The following HIVEP3 variants were observed in gnomAD, a reference collection of about 807,000 sequenced individuals.
The protein encoded by HIVEP3 is HIVEP zinc finger 3.
Under a neutral mutation model 152.8 loss-of-function variants are expected in HIVEP3, and 49 were observed. That is an observed-to-expected ratio of 0.32 (90% CI 0.26 to 0.41). The LOEUF (loss-of-function observed/expected upper bound fraction) is 0.41, where lower values mean the gene tolerates loss of function less well. HIVEP3 is among the 10% of genes least tolerant of loss of function. HIVEP3 has a pLI of 1.00. For synonymous variants in HIVEP3, 1,269 were observed against 1,289.0 expected (o/e 0.98, Z 0.33); for missense variants, 2,790 against 3,103.3 (o/e 0.90, Z 2.40).
intron 2 of HIVEP3, among the ~76,000 whole-genome samples, chr1:41,651,067 T>C (rs981610027): frequency 6.6e-6 from 1 of 152,210 alleles, no homozygotes; most frequent in African/African-American, 2.4e-5. Context: ...GCTCTATCTG[T>C]GGGTTCCACA....
intron 1 of HIVEP3, among the ~76,000 whole-genome samples, chr1:41,953,413 A>G (rs908911591): frequency 1.4e-4 from 21 of 152,312 alleles, no homozygotes; most frequent in African/African-American, 5.1e-4. Flanking sequence ...AACTCTTCTC[A>G]GAGTGTTTCT....
At chr1:42,025,657 G>A (rs573604566) in intron 1 of HIVEP3, among the ~76,000 whole-genome samples, 2 of 152,224 alleles carry the variant, frequency 1.3e-5, no homozygotes, top group Non-Finnish European at 2.9e-5. Context: ...ATTCTGCCAG[G>A]TATCTGGGAG....
At chr1:41,516,052 G>T (rs1478986056) in intron 7 of HIVEP3, among the ~76,000 whole-genome samples, 1 of 152,198 alleles carries the variant, frequency 6.6e-6, no homozygotes, top group African/African-American at 2.4e-5. Flanking sequence ...AGACCCAGTG[G>T]GGGTAATGGC....
At chr1:42,026,477 T>TATATCCAATAAAAAATATATCCAACA (rs1645583099) in intron 1 of HIVEP3, among the ~76,000 whole-genome samples, 2 of 152,208 alleles carry the variant, frequency 1.3e-5, no homozygotes, top group African/African-American at 4.8e-5. Flanking sequence ...CATTTTAATA[T>TATATCCAATAAAAAATATATCCAACA]TTTCAGTGGA....
intron 1 of HIVEP3, among the ~76,000 whole-genome samples, chr1:41,846,539 T>C (rs563541912): frequency 2.6e-5 from 4 of 152,352 alleles, no homozygotes; most frequent in African/African-American, 9.6e-5. Flanking sequence ...GCCAGGCTCA[T>C]AGCCTAAAGG....
chr1:41,762,640 C>A (rs1002462165), intron 1 of HIVEP3, among the ~76,000 whole-genome samples: 3 of 152,210 alleles, frequency 2.0e-5, no homozygotes, highest in African/African-American at 7.2e-5. Context: ...ACAAAGCCTG[C>A]TCCTGTGCTG....
intron 1 of HIVEP3, among the ~76,000 whole-genome samples, chr1:41,876,723 G>A (rs1390488565): frequency 1.3e-5 from 2 of 152,088 alleles, no homozygotes; most frequent in Non-Finnish European, 2.9e-5. Context: ...TTCAGCACTT[G>A]GAAAACTATC....
In HIVEP3 at chr1:41,582,213, T is replaced by G; in HGVS notation, c.2585A>C (p.Glu862Ala). 1 of 1,614,048 alleles carries G rather than the reference T, an allele frequency of 6.2e-7. No homozygotes were observed. ...NIQVPEILVT[E>A]EPDRPDTEPE... Reference sequence around the variant, plus strand: ...CTCTGTGTCCGGCCGGTCAGGCTCCTCAGTTACTAGGATCTCAGGAACCTG... The same window carrying G: ...CTCTGTGTCCGGCCGGTCAGGCTCCGCAGTTACTAGGATCTCAGGAACCTG... The change falls in exon 4 of 9, where the codon GAG (glutamate) becomes GCG (alanine). Residue 862 changes from glutamate to alanine, a missense_variant. Coordinates refer to ENST00000372583, the MANE Select transcript of HIVEP3 (RefSeq NM_024503.5). This position sits in a 1 kb window ranked among gnomAD's most constrained non-coding sequence, Gnocchi z 4.7.
chr1:41,773,984 G>C (rs928077381), intron 1 of HIVEP3, among the ~76,000 whole-genome samples: 5 of 152,376 alleles, frequency 3.3e-5, no homozygotes, highest in Non-Finnish European at 7.3e-5. Flanking sequence ...TGAGTTAAAT[G>C]TAACACTCTT....
chr1:41,607,412 A>G (rs1644836805), intron 3 of HIVEP3, among the ~76,000 whole-genome samples: 1 of 152,230 alleles, frequency 6.6e-6, no homozygotes, highest in Non-Finnish European at 1.5e-5. Flanking sequence ...TTACAATTTC[A>G]GCAAGTATTT....
At chr1:41,516,811 C>G (rs1642620190) in intron 7 of HIVEP3, among the ~76,000 whole-genome samples, 1 of 152,246 alleles carries the variant, frequency 6.6e-6, no homozygotes, top group African/African-American at 2.4e-5. Context: ...GCTCCTGACC[C>G]CGGTTCCTCC....
At chr1:41,570,050 C>T (rs145582819) in intron 5 of HIVEP3, among the ~76,000 whole-genome samples, 18 of 152,278 alleles carry the variant, frequency 1.2e-4, no homozygotes, top group Middle Eastern at 3.4e-3. Flanking sequence ...ATGCATGACC[C>T]GGAGTTCAGA....
At chr1:41,735,100 C>T (rs1417841806) in intron 1 of HIVEP3, among the ~76,000 whole-genome samples, 1 of 152,192 alleles carries the variant, frequency 6.6e-6, no homozygotes, top group Non-Finnish European at 1.5e-5. Flanking sequence ...TCTTCAACAA[C>T]CCTTTGCAGA....
chr1:41,636,470 TAAAAATATTAAGCATTACATAAAACAA>T, intron 2 of HIVEP3, among the ~76,000 whole-genome samples: 1 of 152,172 alleles, frequency 6.6e-6, no homozygotes, highest in African/African-American at 2.4e-5. Flanking sequence ...TCTAACTACA[TAAAAATATTAAGCATTACATAAAACAA>T]AAAACCCCAG....
chr1:41,529,281 C>G (rs1244290311), intron 5 of HIVEP3, among the ~76,000 whole-genome samples: 1 of 144,798 alleles, frequency 6.9e-6, no homozygotes, highest in Non-Finnish European at 1.5e-5. Flanking sequence ...TGCTCACACC[C>G]CCCACTGACA....
At chr1:41,518,124 C>A (rs1642660517) in intron 7 of HIVEP3, among the ~76,000 whole-genome samples, 1 of 152,324 alleles carries the variant, frequency 6.6e-6, no homozygotes, top group Non-Finnish European at 1.5e-5. Context: ...CCATGGGTGC[C>A]AGGCGCTCCA....
At chr1:42,028,962 G>T (rs11210563) in intron 1 of HIVEP3, among the ~76,000 whole-genome samples, 103,332 of 152,088 alleles carry the variant, frequency 0.68, 35,747 homozygotes, top group East Asian at 0.96. Flanking sequence ...TATTCTGATG[G>T]TTCAAGAGAA....
intron 1 of HIVEP3, among the ~76,000 whole-genome samples, chr1:41,822,408 G>A (rs913841584): frequency 1.3e-5 from 2 of 152,220 alleles, no homozygotes; most frequent in Non-Finnish European, 2.9e-5. Flanking sequence ...CTGGATGGAG[G>A]AGCAGCATAT....
chr1:41,884,095 A>G (rs1223463958), intron 1 of HIVEP3, among the ~76,000 whole-genome samples: 1 of 152,068 alleles, frequency 6.6e-6, no homozygotes, highest in African/African-American at 2.4e-5. Flanking sequence ...CCTCCCTGGT[A>G]GCTGGGATTA....
Sources: gnomAD v4.1 joint callset for allele counts (sites outside exome capture counted in the v4.1 genomes callset) on GRCh38, gnomAD v4.1.1 for gene constraint, Gnocchi (gnomAD v3.1) non-coding constraint, MANE v1.5 for transcripts, NCBI Gene and HGNC (gene_info 2026-07-23, HGNC 2026-07-21) for gene names.